The following PARD3 variants were observed in gnomAD, a reference collection of about 807,000 sequenced individuals.
PARD3 encodes partitioning defective 3 homolog.
Under a neutral mutation model 155.4 loss-of-function variants are expected in PARD3, and 75 were observed. The observed-to-expected ratio is 0.48, with a 90% CI of 0.40 to 0.58. The LOEUF is 0.58. Among genes scored for constraint, PARD3 ranks in the 20% least tolerant of loss-of-function variants. The pLI, the probability that PARD3 is intolerant of heterozygous loss-of-function variation, is 0.00. For synonymous variants in PARD3, 576 were observed against 610.5 expected, an observed-to-expected ratio of 0.94 and a Z score of 0.83; for missense variants, 1,642 against 1,721.7, an observed-to-expected ratio of 0.95 and a Z score of 0.82.
chr10:34,551,008 T>C (rs945386745), intron 2 of PARD3, among the ~76,000 whole-genome samples: 26 of 152,290 alleles, frequency 1.7e-4, no homozygotes, highest in African/African-American at 6.3e-4. Flanking sequence ...TTCTCTCATA[T>C]TCACCCAGCT....
intron 19 of PARD3, among the ~76,000 whole-genome samples, chr10:34,319,408 G>GT (rs1427796297): frequency 7.2e-5 from 11 of 152,112 alleles, no homozygotes; most frequent in Admixed American, 6.5e-4. Flanking sequence ...CTTCAGAAAC[G>GT]TTAGCCTTCC....
In PARD3 at chr10:34,455,700, T is replaced by TTTA. The variant is rs1554862826; in HGVS notation, c.583-5253_583-5252insTAA. Among the ~76,000 whole-genome samples the TTTA allele has an allele frequency of 6.9e-4, 105 of 152,270 alleles. 1 individual carries two copies. In the South Asian group the frequency reaches 7.9e-3, roughly 11 times the overall value. On this transcript the variant is annotated intron_variant, in intron 4 of 24. Coordinates refer to ENST00000374788, the MANE Select transcript of PARD3 (RefSeq NM_001184785.2). ...AAAATTTTGGCAGTTCCTATTGGAA[T>TTTA]AATAAACTAAATGCCTATTAAGACT...
chr10:34,670,082 CT>C (rs1399780246), intron 2 of PARD3, among the ~76,000 whole-genome samples: 1 of 152,180 alleles, frequency 6.6e-6, no homozygotes, highest in African/African-American at 2.4e-5. Flanking sequence ...TGTATATTGA[CT>C]TTTTAATTTT....
chr10:34,629,086 A>C (rs1257387511), intron 2 of PARD3, among the ~76,000 whole-genome samples: 1 of 152,206 alleles, frequency 6.6e-6, no homozygotes, highest in Non-Finnish European at 1.5e-5. Context: ...TTGCAGAGTT[A>C]TGAGGTGAGA....
chr10:34,595,322 AAT>A (rs2089150258), intron 2 of PARD3, among the ~76,000 whole-genome samples: 1 of 152,194 alleles, frequency 6.6e-6, no homozygotes, highest in Admixed American at 6.5e-5. Context: ...TCCATTGCAA[AAT>A]ATTAATGGCC....
chr10:34,268,735 A>C (rs1955463801), intron 22 of PARD3, among the ~76,000 whole-genome samples: 1 of 152,024 alleles, frequency 6.6e-6, no homozygotes. Context: ...CAATGAGAAC[A>C]CTTGGACACA....
At chr10:34,575,768 T>C (rs1387139306) in intron 2 of PARD3, among the ~76,000 whole-genome samples, 1 of 151,886 alleles carries the variant, frequency 6.6e-6, no homozygotes, top group East Asian at 1.9e-4. Context: ...TGGTGGCGGG[T>C]GCCTGTAATC....
intron 3 of PARD3, among the ~76,000 whole-genome samples, chr10:34,485,220 G>C (rs7901302): frequency 0.087 from 13,211 of 151,932 alleles, 1,760 homozygotes; most frequent in African/African-American, 0.29. Flanking sequence ...CACCTGTAAC[G>C]CCAGCTACTC....
At chr10:34,218,370 TTAAC>T (rs1343676738) in intron 22 of PARD3, among the ~76,000 whole-genome samples, 7 of 152,250 alleles carry the variant, frequency 4.6e-5, no homozygotes, top group Middle Eastern at 3.4e-3. Flanking sequence ...TCAACTTCTG[TTAAC>T]TAACCACCAT....
At chr10:34,541,280 A>C (rs1421423349) in intron 2 of PARD3, among the ~76,000 whole-genome samples, 4 of 152,254 alleles carry the variant, frequency 2.6e-5, no homozygotes, top group Non-Finnish European at 5.9e-5. Context: ...TGCAAAGAGA[A>C]GGGAAGAACT....
chr10:34,272,592 T>C (rs1296223228), intron 21 of PARD3, among the ~76,000 whole-genome samples: 1 of 152,184 alleles, frequency 6.6e-6, no homozygotes, highest in South Asian at 2.1e-4. Context: ...TAGCTGGGCA[T>C]GGTGGTGCAC....
At chr10:34,443,769 T>C (rs1258681600) in intron 5 of PARD3, among the ~76,000 whole-genome samples, 2 of 152,128 alleles carry the variant, frequency 1.3e-5, no homozygotes, top group East Asian at 1.9e-4. Flanking sequence ...CATGTGAATA[T>C]TGTTTATAAT....
chr10:34,443,275 C>G (rs1419249676), intron 5 of PARD3, among the ~76,000 whole-genome samples: 1 of 152,152 alleles, frequency 6.6e-6, no homozygotes, highest in Non-Finnish European at 1.5e-5. Flanking sequence ...TACTTTTGCC[C>G]TCAATCTTCA....
At chr10:34,135,171 C>T (rs1359661093) in intron 22 of PARD3, among the ~76,000 whole-genome samples, 2 of 152,174 alleles carry the variant, frequency 1.3e-5, no homozygotes, top group Non-Finnish European at 2.9e-5. Flanking sequence ...TGAGTGGGAT[C>T]TACACAGGGA....
intron 5 of PARD3, among the ~76,000 whole-genome samples, chr10:34,405,520 C>CA (rs1234107249): frequency 4.0e-5 from 6 of 150,274 alleles, no homozygotes; most frequent in African/African-American, 7.4e-5. Flanking sequence ...GTAAAGAAAC[C>CA]AAAAAAAAGA....
intron 3 of PARD3, among the ~76,000 whole-genome samples, chr10:34,496,651 A>T (rs979985445): frequency 3.3e-5 from 5 of 152,220 alleles, no homozygotes; most frequent in African/African-American, 1.2e-4. Context: ...TGCAGGAGAA[A>T]GCAAGCCCAA....
chr10:34,154,704 G>A (rs1241156323), intron 22 of PARD3, among the ~76,000 whole-genome samples: 1 of 152,156 alleles, frequency 6.6e-6, no homozygotes, highest in Admixed American at 6.5e-5. Flanking sequence ...GAGAGAGACA[G>A]AGAGATTTAT....
chr10:34,528,638 A>G (rs1257902251), intron 2 of PARD3, among the ~76,000 whole-genome samples: 2 of 152,192 alleles, frequency 1.3e-5, no homozygotes, highest in Admixed American at 6.5e-5. Flanking sequence ...AATGTTACTA[A>G]TATTTGAGAA....
intron 20 of PARD3, among the ~76,000 whole-genome samples, chr10:34,288,617 A>G (rs1341382425): frequency 6.6e-6 from 1 of 152,232 alleles, no homozygotes; most frequent in Non-Finnish European, 1.5e-5. Flanking sequence ...CACAGCTGAA[A>G]TTGGCAATCA....
Sources: gnomAD v4.1 joint callset for allele counts (sites outside exome capture counted in the v4.1 genomes callset) on GRCh38, gnomAD v4.1.1 for gene constraint, MANE v1.5 for transcripts, NCBI Gene and HGNC (gene_info 2026-07-23, HGNC 2026-07-21) for gene names.